The following ALOX5 variants were observed in gnomAD, a reference collection of about 807,000 sequenced individuals.
ALOX5 encodes the protein polyunsaturated fatty acid 5-lipoxygenase.
A neutral mutation model predicts 87.9 loss-of-function variants in ALOX5; 64 were observed. The ratio of observed to expected loss-of-function variants is 0.73; its 90% CI spans 0.60 to 0.90. The LOEUF (loss-of-function observed/expected upper bound fraction) is 0.90. Ranked by LOEUF, ALOX5 falls within the 40% of genes least tolerant of loss-of-function variation. The pLI is 0.00. For missense variants in ALOX5, 822 were observed against 907.5 expected (o/e 0.91, Z 1.21); for synonymous variants, 388 against 355.1 (o/e 1.09, Z -1.04).
chr10:45,378,426 G>T (rs1166751487), intron 1 of ALOX5, among the ~76,000 whole-genome samples: 1 of 152,140 alleles, frequency 6.6e-6, no homozygotes, highest in Non-Finnish European at 1.5e-5. Flanking sequence ...ATAATCACTC[G>T]CTCGGCCATT....
intron 2 of ALOX5, among the ~76,000 whole-genome samples, chr10:45,383,908 A>G (rs1588982259): frequency 6.6e-6 from 1 of 152,170 alleles, no homozygotes; most frequent in East Asian, 1.9e-4. Context: ...TCTGGTAGTT[A>G]GAAAATGCTG....
chr10:45,407,974 TGA>T (rs1840940159), intron 3 of ALOX5, among the ~76,000 whole-genome samples: 1 of 152,242 alleles, frequency 6.6e-6, no homozygotes, highest in Non-Finnish European at 1.5e-5. Context: ...TTTGGCTAAA[TGA>T]GTTTGGGGTC....
At chr10:45,431,628 A>G (rs920003293) in intron 7 of ALOX5, among the ~76,000 whole-genome samples, 3 of 152,050 alleles carry the variant, frequency 2.0e-5, no homozygotes, top group African/African-American at 7.2e-5. Flanking sequence ...GCTAGAGTGC[A>G]GTGGCGTGAT....
intron 4 of ALOX5, among the ~76,000 whole-genome samples, chr10:45,420,593 C>T (rs1038825006): frequency 6.6e-6 from 1 of 152,248 alleles, no homozygotes; most frequent in Non-Finnish European, 1.5e-5. Flanking sequence ...TGAAACTTGG[C>T]TGAAGTCACC....
At chr10:45,389,813 G>A (rs561982417) in intron 2 of ALOX5, among the ~76,000 whole-genome samples, 48 of 152,240 alleles carry the variant, frequency 3.2e-4, no homozygotes, top group African/African-American at 9.1e-4. Flanking sequence ...ATCTAACATC[G>A]TAAAGACAAG....
intron 2 of ALOX5, among the ~76,000 whole-genome samples, chr10:45,389,878 A>T (rs539570244): frequency 4.6e-5 from 7 of 152,362 alleles, no homozygotes; most frequent in African/African-American, 1.7e-4. Context: ...TAAATGCTCC[A>T]ATTAAAAGAC....
intron 3 of ALOX5, among the ~76,000 whole-genome samples, chr10:45,407,729 A>ATC (rs1840934173): frequency 6.6e-6 from 1 of 152,206 alleles, no homozygotes; most frequent in African/African-American, 2.4e-5. Flanking sequence ...AAGAGAACAT[A>ATC]GATAAAGTAA....
chr10:45,406,236 A>G lies in ALOX5; in HGVS notation c.432-5955A>G, dbSNP rs150881741. On this transcript the variant is annotated intron_variant, in intron 3 of 13. Coordinates refer to ENST00000374391, the MANE Select transcript of ALOX5 (RefSeq NM_000698.5). ...CCATGAAAACACAGAGAATAGTAGT[A>G]GGCACATAGAAAGCACTGGATAAGT... Among the ~76,000 whole-genome samples, 719 of 152,312 alleles carry G rather than the reference A, an allele frequency of 4.7e-3. 3 individuals carry two copies. Among genetic ancestry groups the G allele is most frequent in the South Asian group, 0.012 (58 of 4,826 alleles).
At chr10:45,443,340 C>A (rs570263742) in intron 10 of ALOX5, 76 bp from the exon 11 acceptor site, 1 of 1,589,466 alleles carries the variant, frequency 6.3e-7, no homozygotes, top group African/African-American at 1.3e-5. Context: ...TCCCAGCGTC[C>A]GTGAGGGGGT....
chr10:45,396,510 C>T (rs1006596278), intron 3 of ALOX5, among the ~76,000 whole-genome samples: 34 of 152,234 alleles, frequency 2.2e-4, no homozygotes, highest in Admixed American at 1.4e-3. Flanking sequence ...CCTAGAAAGA[C>T]GCAAACTGCC....
At position 45,377,360 on chromosome 10, in the gene ALOX5, C is replaced by G. The variant is rs547692992; in HGVS notation, c.150+2931C>G. 4.6e-5 allele frequency among the ~76,000 whole-genome samples: 7 copies of G among 151,718 alleles called. No individual in the cohort carries two copies. In the South Asian group the frequency reaches 1.5e-3, roughly 32 times the overall value. On this transcript the variant is annotated intron_variant, in intron 1 of 13. Transcript: ENST00000374391. ...TCTGCCCCCTCTTCTGCCTCCTCTT[C>G]CTTCCCCTGCTCCCAGTTCCCTAAA...
intron 3 of ALOX5, among the ~76,000 whole-genome samples, chr10:45,408,416 T>C (rs1840953805): frequency 6.6e-6 from 1 of 152,208 alleles, no homozygotes; most frequent in African/African-American, 2.4e-5. Flanking sequence ...TCAAAGAGTT[T>C]CTGATTGGCA....
chr10:45,440,186 C>T (rs1476703624), intron 7 of ALOX5, among the ~76,000 whole-genome samples: 2 of 152,210 alleles, frequency 1.3e-5, no homozygotes, highest in Non-Finnish European at 2.9e-5. Context: ...CCCCACATGA[C>T]AGATGCTGAA....
intron 7 of ALOX5, among the ~76,000 whole-genome samples, chr10:45,436,468 T>C (rs562140524): frequency 6.6e-6 from 1 of 152,342 alleles, no homozygotes; most frequent in Admixed American, 6.5e-5. Flanking sequence ...CTTCTGCATA[T>C]AGGTAGCCAG....
rs778612367 is a variant in ALOX5, at chr10:45,395,936, G to T, written c.431G>T (p.Arg144Leu). The change falls in exon 3 of 14, where the codon CGA becomes CTA. Residue 144 changes from arginine (R) to leucine (L), a missense_variant and splice_region_variant. By Grantham distance (102) the Arg-to-Leu change is moderately radical (BLOSUM62 -2). Coordinates refer to ENST00000374391, the MANE Select transcript of ALOX5 (RefSeq NM_000698.5). ...KELETRQKQY[R>L]WMEWNPGFPL... is the part of the protein sequence containing the mutation. ...CTGGAAACACGGCAAAAACAATATC[G>T]GTGAGTTATGACATCAGATCGAGTG... The T allele has an allele frequency of 6.2e-7, 1 of 1,613,984 alleles. No individual in the cohort carries two copies. The highest frequency in any genetic ancestry group is 8.5e-7 in the Non-Finnish European group (1 of 1,179,954).
chr10:45,391,741 C>T (rs1191359684), intron 2 of ALOX5, among the ~76,000 whole-genome samples: 1 of 151,754 alleles, frequency 6.6e-6, no homozygotes, highest in Admixed American at 6.6e-5. Flanking sequence ...GCACCACTGC[C>T]CCACCACCCT....
At chr10:45,431,548 GTTAT>G (rs34431757) in intron 7 of ALOX5, among the ~76,000 whole-genome samples, 11,232 of 148,466 alleles carry the variant, frequency 0.076, 460 homozygotes, top group East Asian at 0.14. Flanking sequence ...AAACTATAAA[GTTAT>G]TTATTTATTT....
At chr10:45,441,583 C>T in intron 9 of ALOX5, 153 bp downstream of exon 9, 1 of 674,762 alleles carries the variant, frequency 1.5e-6, no homozygotes, top group Non-Finnish European at 2.4e-6. Context: ...CCTGATGTCT[C>T]CAGCCCGTGC....
At chr10:45,379,934 C>A (rs1258615984) in intron 1 of ALOX5, among the ~76,000 whole-genome samples, 1 of 152,138 alleles carries the variant, frequency 6.6e-6, no homozygotes, top group African/African-American at 2.4e-5. Flanking sequence ...GATCAGGAAT[C>A]TCTGTCTTGG....
Sources: gnomAD v4.1 joint callset for allele counts (sites outside exome capture counted in the v4.1 genomes callset) on GRCh38, gnomAD v4.1.1 for gene constraint, MANE v1.5 for transcripts, NCBI Gene and HGNC (gene_info 2026-07-23, HGNC 2026-07-21) for gene names.